The following PTPRD variants were observed in gnomAD, a reference collection of about 807,000 sequenced individuals.
PTPRD encodes protein tyrosine phosphatase receptor type D, also known as receptor-type tyrosine-protein phosphatase delta.
In PTPRD, 34 loss-of-function variants were observed where a neutral mutation model predicts 214.5. The observed-to-expected ratio is 0.16, with a 90% CI of 0.12 to 0.21. The LOEUF is 0.21. Among genes scored for constraint, PTPRD ranks in the 10% least tolerant of loss-of-function variants. The probability of loss-of-function intolerance (pLI) is 1.00; values close to 1 mark genes in which losing one functional copy is unlikely to be tolerated. For synonymous variants in PTPRD, 1,128 were observed against 845.7 expected, an observed-to-expected ratio of 1.33 and a Z score of -5.79; for missense variants, 2,545 against 2,398.7, an observed-to-expected ratio of 1.06 and a Z score of -1.27.
chr9:10,221,214 G>T (rs976472541), intron 3 of PTPRD, among the ~76,000 whole-genome samples: 1 of 151,930 alleles, frequency 6.6e-6, no homozygotes, highest in South Asian at 2.1e-4. Flanking sequence ...GTCTCCAGTC[G>T]TTGGTGTGCA....
At position 8,376,000 on chromosome 9, in the gene PTPRD, C is replaced by G. The variant is rs2134813477; in HGVS notation, c.4597G>C (p.Ala1533Pro). The change falls in exon 39 of 46, where the codon GCT becomes CCT. Residue 1533 changes from alanine to proline, a missense_variant. Physicochemically the swap from Ala to Pro is conservative, Grantham distance 27 (BLOSUM62 -1). Coordinates refer to ENST00000381196, the MANE Select transcript of PTPRD (RefSeq NM_002839.4). The part of the protein sequence containing the change: ...GVPEHPTPFL[A>P]FLRRVKTCNP... ...CAGGTTTTGACTCTACGTAAGAAAG[C>G]TAGAAAAGGTGTAGGGTGTTCTGGA... 1 of 1,612,894 alleles carries G rather than the reference C, an allele frequency of 6.2e-7. No homozygotes were observed. The highest frequency in any genetic ancestry group is 8.5e-7 in the Non-Finnish European group (1 of 1,179,258).
chr9:10,383,185 A>G (rs2097853775), intron 2 of PTPRD, among the ~76,000 whole-genome samples: 1 of 151,912 alleles, frequency 6.6e-6, no homozygotes, highest in Non-Finnish European at 1.5e-5. Flanking sequence ...GCTGTTAGGC[A>G]TTATTCACAA....
intron 11 of PTPRD, among the ~76,000 whole-genome samples, chr9:8,932,457 A>G (rs1056157504): frequency 6.6e-6 from 1 of 152,118 alleles, no homozygotes; most frequent in African/African-American, 2.4e-5. Context: ...GTTTCCATGT[A>G]GTTGTGCGCC....
intron 35 of PTPRD, among the ~76,000 whole-genome samples, chr9:8,426,897 T>G (rs2094714521): frequency 1.3e-5 from 2 of 151,906 alleles, no homozygotes; most frequent in Non-Finnish European, 2.9e-5. Context: ...CTTTGAGTTT[T>G]CACAACTATA....
At chr9:9,032,228 C>T (rs999586059) in intron 10 of PTPRD, among the ~76,000 whole-genome samples, 1 of 151,858 alleles carries the variant, frequency 6.6e-6, no homozygotes, top group African/African-American at 2.4e-5. Context: ...TTCCACCCAA[C>T]GCCACATTCT....
chr9:9,488,825 C>T (rs1000017934), intron 8 of PTPRD, among the ~76,000 whole-genome samples: 1 of 152,164 alleles, frequency 6.6e-6, no homozygotes, highest in Non-Finnish European at 1.5e-5. Flanking sequence ...CCTAGCCACA[C>T]TGCAAGCAGC....
Position 8,718,839 on chromosome 9 carries a change from G to C in PTPRD, c.64+14941C>G, listed in dbSNP as rs751026031. On this transcript the variant is annotated intron_variant, in intron 12 of 45. Transcript: ENST00000381196. ...TCCCACCTCCCACAAAAGCGTTTCA[G>C]TTTGCTGGCACGATGGAGCGTAGTG... Among the ~76,000 whole-genome samples, 62 of 152,262 alleles carry C rather than the reference G, an allele frequency of 4.1e-4. 1 individual carries two copies. The highest frequency in any genetic ancestry group is 3.4e-3 in the Middle Eastern group (1 of 294).
At chr9:10,341,726 G>A (rs1347605283) in intron 2 of PTPRD, among the ~76,000 whole-genome samples, 1 of 151,906 alleles carries the variant, frequency 6.6e-6, no homozygotes. Context: ...CTGCTTATCT[G>A]TAAAATGAAA....
At chr9:10,277,853 G>A (rs1274868000) in intron 3 of PTPRD, among the ~76,000 whole-genome samples, 1 of 152,026 alleles carries the variant, frequency 6.6e-6, no homozygotes, top group Non-Finnish European at 1.5e-5. Flanking sequence ...AGTGCATTAG[G>A]GATACTTTAA....
chr9:9,333,504 T>TGTATATATATATATATATATATA (rs1555249397), intron 9 of PTPRD, among the ~76,000 whole-genome samples: 4 of 137,248 alleles, frequency 2.9e-5, no homozygotes, highest in African/African-American at 1.2e-4. Flanking sequence ...ATATAGTATA[T>TGTATATATATATATATATATATA]TATATATATA....
chr9:9,335,105 C>T (rs907094112), intron 9 of PTPRD, among the ~76,000 whole-genome samples: 2 of 152,010 alleles, frequency 1.3e-5, no homozygotes, highest in African/African-American at 4.8e-5. Flanking sequence ...CTCCAACTGA[C>T]AAAATTACAT....
chr9:9,560,830 C>T (rs1401056983), intron 8 of PTPRD, among the ~76,000 whole-genome samples: 1 of 152,162 alleles, frequency 6.6e-6, no homozygotes, highest in Non-Finnish European at 1.5e-5. Context: ...CCTGTCTTGG[C>T]TGCTTGAGCC....
intron 8 of PTPRD, among the ~76,000 whole-genome samples, chr9:9,495,412 C>G (rs1041864429): frequency 6.6e-6 from 1 of 151,948 alleles, no homozygotes; most frequent in Non-Finnish European, 1.5e-5. Context: ...CCCACTCTCT[C>G]CCAATTGGTT....
chr9:9,086,330 G>T (rs766153934), intron 10 of PTPRD, among the ~76,000 whole-genome samples: 3 of 152,112 alleles, frequency 2.0e-5, no homozygotes, highest in South Asian at 2.1e-4. Flanking sequence ...AATCTAGAAC[G>T]CATGCTGTTC....
Position 8,668,824 on chromosome 9 carries a change from A to G in PTPRD, c.65-31980T>C, listed in dbSNP as rs189825072. Among the ~76,000 whole-genome samples, 232 of 152,312 alleles carry G rather than the reference A, an allele frequency of 1.5e-3. 3 individuals carry two copies. The highest frequency in any genetic ancestry group is 5.5e-3 in the African/African-American group (230 of 41,574). On this transcript the variant is annotated intron_variant, in intron 12 of 45. Transcript: ENST00000381196. ...TGTCTACAATCTGAAATTGAGAACA[A>G]AAAGTGCAAAGTATTCCAAAAGTTA...
intron 3 of PTPRD, among the ~76,000 whole-genome samples, chr9:10,143,140 G>C (rs139031815): frequency 0.011 from 1,741 of 152,228 alleles, 31 homozygotes; most frequent in South Asian, 0.06. Flanking sequence ...GGGGGGAGGG[G>C]AGAGGGATAG....
At chr9:9,557,280 C>G (rs1235328756) in intron 8 of PTPRD, among the ~76,000 whole-genome samples, 2 of 152,118 alleles carry the variant, frequency 1.3e-5, no homozygotes, top group Non-Finnish European at 2.9e-5. Context: ...CTTTGGAATT[C>G]AGGCACAATT....
chr9:10,148,813 C>G lies in PTPRD; in HGVS notation c.-544-115023G>C, dbSNP rs1351409400. ...TGTATACTTTAAAGCTCCCCAAGTA[C>G]TTCTAGTGTGCAGCCAAGTTTGAGC... is the stretch of plus-strand genomic sequence containing the variant. On this transcript the variant is annotated intron_variant, in intron 3 of 45. Transcript: ENST00000381196. 3.5e-4 allele frequency among the ~76,000 whole-genome samples: 53 copies of G among 152,130 alleles called. 1 individual carries two copies. Among genetic ancestry groups the G allele is most frequent in the Admixed American group, 3.5e-3 (53 of 15,268 alleles).
chr9:9,032,937 T>C (rs1569477161), intron 10 of PTPRD, among the ~76,000 whole-genome samples: 1 of 152,094 alleles, frequency 6.6e-6, no homozygotes, highest in Non-Finnish European at 1.5e-5. Context: ...GGGAAACCTC[T>C]CTGTACGGGA....
Sources: allele counts gnomAD v4.1 joint callset (sites outside exome capture counted in the v4.1 genomes callset), GRCh38; gene constraint gnomAD v4.1.1; transcripts MANE v1.5; gene names NCBI Gene and HGNC (gene_info 2026-07-23, HGNC 2026-07-21).